Variants in NF1 observed in about 807,000 individuals in gnomAD.
NF1 encodes the protein neurofibromin.
NF1 carries 122 observed loss-of-function variants against 325.7 expected under a neutral mutation model. The ratio of observed to expected loss-of-function variants is 0.37; its 90% CI spans 0.32 to 0.44. The LOEUF (loss-of-function observed/expected upper bound fraction) is 0.44, where lower values mean the gene tolerates loss of function less well. Ranked by LOEUF, NF1 falls within the 20% of genes least tolerant of loss-of-function variation. The probability of loss-of-function intolerance (pLI) is 1.00; values close to 1 mark genes in which losing one functional copy is unlikely to be tolerated. For synonymous variants in NF1, 1,091 were observed against 1,186.0 expected (o/e 0.92, Z 1.65); for missense variants, 2,140 against 3,415.4 (o/e 0.63, Z 9.31).
rs371429803 is a variant in NF1 at position 31,335,290 on chromosome 17, A to ATATATATATATATATATATATATATG, written c.6006+265_6006+266insTATATATATATATATATATGTATATA. On this transcript the variant is annotated intron_variant, in intron 40 of 57. Coordinates refer to ENST00000358273, the MANE Select transcript of NF1 (RefSeq NM_001042492.3). The stretch of plus-strand genomic sequence containing the variant: ...AAGGCATAATTATATATATATATAT[A>ATATATATATATATATATATATATATG]TATATAATTATGCCTTGAAGGAGAC... Among the ~76,000 whole-genome samples the ATATATATATATATATATATATATATG allele has an allele frequency of 8.7e-3, 621 of 71,548 alleles. 183 individuals carry two copies. Among genetic ancestry groups the ATATATATATATATATATATATATATG allele is most frequent in the Non-Finnish European group, 0.017 (518 of 30,728 alleles). The allele number at this position is 71,548 out of a possible 152,430, so 46.9% of individuals were successfully genotyped here.
chr17:31,112,657 A>G lies in NF1; in HGVS notation c.60+17288A>G, dbSNP rs142684931. Among the ~76,000 whole-genome samples the G allele has an allele frequency of 1.4e-4, 22 of 152,274 alleles. No homozygotes were observed. In the East Asian group the frequency reaches 4.2e-3, roughly 29 times the overall value. On this transcript the variant is annotated intron_variant, in intron 1 of 57. Coordinates refer to ENST00000358273, the MANE Select transcript of NF1 (RefSeq NM_001042492.3). ...TTTACTGGAGTTTTCAGAATTCATA[A>G]TATATGCTGAATACAAGTTCATCAG... is the stretch of plus-strand genomic sequence containing the variant.
rs375676608 is a variant in NF1 at position 31,259,180 on chromosome 17, G to A, written c.4430+51G>A. ...TGCTCTGTTTGAATCAAATATTTTC[G>A]GTTTCACATAAATCCATGTACCTGT... On this transcript the variant is annotated intron_variant, in intron 33 of 57. Transcript: ENST00000358273. 6.1e-6 allele frequency: 8 copies of A among 1,315,620 alleles called. No individual in the cohort carries two copies. The African/African-American group carries it at 7.3e-5, about 12-fold the overall frequency. 81.5% of individuals were successfully genotyped at this position (1,315,620 alleles called of 1,614,324 possible).
chr17:31,349,127 G>T lies in NF1; in HGVS notation c.7197G>T (p.Arg2399Ser), dbSNP rs1555536017. 1 of 1,592,908 alleles carries T rather than the reference G, an allele frequency of 6.3e-7. No homozygotes were observed. Residue 2399 changes from arginine (R) to serine (S), a missense_variant, in exon 49 of 58, where the codon AGG becomes AGT. Around this residue, in one of 10 missense-constraint regions of NF1, gnomAD observed 522 missense variants for 749.0 expected, o/e 0.70. Coordinates refer to ENST00000358273, the MANE Select transcript of NF1 (RefSeq NM_001042492.3). ...TTTGTTTGTTTTTTGTAGGGTACAG[G>T]CATCCTTCACCTGCTATTGTTGCAA... ...ALVGHLLKGY[R>S]HPSPAIVART...
intron 8 of NF1, among the ~76,000 whole-genome samples, chr17:31,200,146 A>G (rs1185842655): frequency 6.6e-6 from 1 of 152,104 alleles, no homozygotes; most frequent in Non-Finnish European, 1.5e-5. Context: ...GGGAAAAAAA[A>G]AAAAAAGAAG....
In NF1 at chr17:31,179,276, A is replaced by C. The variant is rs1308775615; in HGVS notation, c.587-2146A>C. Among the ~76,000 whole-genome samples, 4 of 152,242 alleles carry C rather than the reference A, an allele frequency of 2.6e-5. No individual in the cohort carries two copies. In the East Asian group the frequency reaches 7.7e-4, roughly 29 times the overall value. On this transcript the variant is annotated intron_variant, in intron 5 of 57. Coordinates refer to ENST00000358273, the MANE Select transcript of NF1 (RefSeq NM_001042492.3). ...CCTGAATGACTACTGGGAAGATAACAAAATGAAGGCAGAAATAAAGATGTT... is the reference window on the plus strand; with the variant it reads ...CCTGAATGACTACTGGGAAGATAACCAAATGAAGGCAGAAATAAAGATGTT...
intron 5 of NF1, among the ~76,000 whole-genome samples, chr17:31,176,144 G>T (rs1024179913): frequency 2.0e-4 from 30 of 152,318 alleles, no homozygotes; most frequent in Admixed American, 1.6e-3. Flanking sequence ...CACCAACAGT[G>T]TAAAAGTGTT....
intron 1 of NF1, among the ~76,000 whole-genome samples, chr17:31,152,076 C>G (rs1731138986): frequency 6.6e-6 from 1 of 151,790 alleles, no homozygotes; most frequent in South Asian, 2.1e-4. Context: ...TGTTCCCCTT[C>G]CTGTGTGGTT....
chr17:31,199,397 TGTTG>T (rs1023351907), intron 8 of NF1, among the ~76,000 whole-genome samples: 11 of 152,250 alleles, frequency 7.2e-5, no homozygotes, highest in African/African-American at 1.2e-4. Flanking sequence ...TTTTATCTGC[TGTTG>T]GTTTTTCATT....
intron 31 of NF1, chr17:31,253,797 A>G (rs2067532933): frequency 6.6e-6 from 1 of 152,196 alleles, no homozygotes; most frequent in Non-Finnish European, 1.5e-5. Context: ...TACATTTGCC[A>G]TTATCTGTCA....
rs769469854 is a variant in NF1 at position 31,326,077 on chromosome 17, C to T, written c.5093C>T (p.Thr1698Ile). The change falls in exon 37 of 58, where the codon ACT becomes ATT. Residue 1698 changes from threonine to isoleucine, a missense_variant. Physicochemically the swap from Thr to Ile is moderately conservative, Grantham distance 89. Transcript: ENST00000358273. ...ACCAAGTATCATGAGCGGCTGCTGA[C>T]TGGCCTCAAAGGTAGCAAAAGGCTT... The part of the protein sequence containing the change: ...EYTKYHERLL[T>I]GLKGSKRLVF... 2.5e-6 allele frequency: 4 copies of T among 1,614,022 alleles called. No homozygotes were observed. Among genetic ancestry groups the T allele is most frequent in the South Asian group, 2.2e-5 (2 of 91,088 alleles).
intron 3 of NF1, among the ~76,000 whole-genome samples, chr17:31,160,986 G>T (rs916877325): frequency 6.6e-6 from 1 of 151,902 alleles, no homozygotes; most frequent in Non-Finnish European, 1.5e-5. Flanking sequence ...TTATATTATT[G>T]AACAATTGTT....
At chr17:31,276,536 T>A (rs2068013625) in intron 36 of NF1, among the ~76,000 whole-genome samples, 1 of 152,112 alleles carries the variant, frequency 6.6e-6, no homozygotes, top group South Asian at 2.1e-4. Flanking sequence ...AATAAAAAAG[T>A]TTGACACCAA....
At chr17:31,307,885 AC>A in intron 36 of NF1, 1 of 1,289,096 alleles carries the variant, frequency 7.8e-7, no homozygotes, top group Non-Finnish European at 1.0e-6. Flanking sequence ...TTTACAAATT[AC>A]CTTTTCAGCA....
intron 8 of NF1, 167 bp downstream of exon 8, chr17:31,182,832 A>G (rs2066162690): frequency 3.0e-6 from 2 of 659,408 alleles, no homozygotes; most frequent in Non-Finnish European, 5.2e-6. Context: ...ACATACTCAT[A>G]CATAATTTTA....
chr17:31,199,207 A>G (rs2066484688), intron 8 of NF1, among the ~76,000 whole-genome samples: 1 of 151,942 alleles, frequency 6.6e-6, no homozygotes, highest in Non-Finnish European at 1.5e-5. Context: ...TTTTGATGTC[A>G]GTGTTTACAG....
chr17:31,159,899 C>G (rs2065732645), intron 3 of NF1, among the ~76,000 whole-genome samples: 1 of 151,974 alleles, frequency 6.6e-6, no homozygotes, highest in Non-Finnish European at 1.5e-5. Context: ...AATTGCTTCC[C>G]TCTTCACATA....
chr17:31,249,841 T>C, intron 30 of NF1: 1 of 410,120 alleles, frequency 2.4e-6, no homozygotes, highest in Non-Finnish European at 4.9e-6. Flanking sequence ...ATTAGCCTTT[T>C]GGAAACTGTG....
intron 24 of NF1, 65 bp downstream of exon 24, chr17:31,230,990 C>T (rs893818558): frequency 5.1e-6 from 6 of 1,178,356 alleles, no homozygotes; most frequent in African/African-American, 4.5e-5. Context: ...TACTTAATTA[C>T]AGCTTTATAC....
intron 30 of NF1, 25 bp downstream of exon 30, chr17:31,249,144 A>G: frequency 6.2e-7 from 1 of 1,611,482 alleles, no homozygotes; most frequent in Non-Finnish European, 8.5e-7. Context: ...AGAGATTACC[A>G]TTATTAATCT....
Sources: allele counts gnomAD v4.1 joint callset (sites outside exome capture counted in the v4.1 genomes callset), GRCh38; gene constraint gnomAD v4.1.1; regional missense constraint gnomAD v4.1.1; transcripts MANE v1.5; gene names NCBI Gene and HGNC (gene_info 2026-07-23, HGNC 2026-07-21).